The following RELN variants were observed in gnomAD, a reference collection of about 807,000 sequenced individuals.
RELN encodes reelin.
RELN carries 108 observed loss-of-function variants against 427.6 expected under a neutral mutation model. That is an observed-to-expected ratio of 0.25 (90% CI 0.22 to 0.30). The LOEUF (loss-of-function observed/expected upper bound fraction) is 0.30. Among genes scored for constraint, RELN ranks in the 10% least tolerant of loss-of-function variants. The pLI is 1.00. For synonymous variants in RELN, 1,524 were observed against 1,513.4 expected (o/e 1.01, Z -0.16); for missense variants, 3,715 against 4,302.8 (o/e 0.86, Z 3.82).
chr7:103,754,400 A>G (rs1217757487), intron 4 of RELN, among the ~76,000 whole-genome samples: 1 of 151,902 alleles, frequency 6.6e-6, no homozygotes, highest in African/African-American at 2.4e-5. Flanking sequence ...TTTGTACTGT[A>G]TATCAATTAG....
In RELN at chr7:103,497,901, C is replaced by A; in HGVS notation, c.8869G>T (p.Gly2957Cys). Residue 2957 changes from glycine (G) to cysteine (C), a missense_variant, in exon 55 of 65, where the codon GGT becomes TGT. Gly to Cys is a radical substitution (Grantham distance 159, BLOSUM62 -3). Coordinates refer to ENST00000428762, the MANE Select transcript of RELN (RefSeq NM_005045.4). ...AKFLQYWGRI[G>C]SENNMTSCHR... ...CAAGAGGTCATGTTGTTCTCACTAC[C>A]GATGCGCCCCCAGTATTGCAGGAAC... 6.2e-7 allele frequency: 1 copy of A among 1,614,112 alleles called. No homozygotes were observed. The highest frequency in any genetic ancestry group is 8.5e-7 in the Non-Finnish European group (1 of 1,180,012).
chr7:103,488,275 G>A (rs1367242789), intron 60 of RELN, among the ~76,000 whole-genome samples: 1 of 152,210 alleles, frequency 6.6e-6, no homozygotes, highest in Non-Finnish European at 1.5e-5. Context: ...TAGCAAACGT[G>A]TATGTGCTTG....
intron 1 of RELN, among the ~76,000 whole-genome samples, chr7:103,973,700 C>A (rs1170577742): frequency 6.6e-6 from 1 of 151,912 alleles, no homozygotes; most frequent in Non-Finnish European, 1.5e-5. Flanking sequence ...TGTTGTGGAG[C>A]CATGAAAATG....
intron 24 of RELN, 145 bp from the exon 25 acceptor site, chr7:103,596,806 C>T: frequency 1.3e-6 from 1 of 749,750 alleles, no homozygotes. Flanking sequence ...GCAGTCATGC[C>T]ATTTAGTTGT....
At chr7:103,955,335 T>C (rs1469603283) in intron 1 of RELN, among the ~76,000 whole-genome samples, 1 of 152,202 alleles carries the variant, frequency 6.6e-6, no homozygotes, top group African/African-American at 2.4e-5. Context: ...TTAATATATT[T>C]CCATGAACAG....
At chr7:103,938,989 C>G (rs1796049859) in intron 1 of RELN, among the ~76,000 whole-genome samples, 2 of 150,984 alleles carry the variant, frequency 1.3e-5, no homozygotes, top group South Asian at 4.2e-4. Flanking sequence ...GTTGCCCAGG[C>G]TGTATGTAGT....
intron 30 of RELN, among the ~76,000 whole-genome samples, chr7:103,572,597 C>T (rs1056417950): frequency 1.3e-5 from 2 of 151,604 alleles, no homozygotes; most frequent in African/African-American, 2.4e-5. Flanking sequence ...AATGCAGTGG[C>T]GTGATCTCGA....
intron 64 of RELN, among the ~76,000 whole-genome samples, chr7:103,476,979 T>C (rs1415373083): frequency 6.6e-6 from 1 of 152,208 alleles, no homozygotes; most frequent in Non-Finnish European, 1.5e-5. Flanking sequence ...CCAAGGCACA[T>C]CAGCTATGCC....
At position 103,713,210 on chromosome 7, in the gene RELN, G is replaced by A. The variant is rs552948049; in HGVS notation, c.805+9930C>T. Among the ~76,000 whole-genome samples the A allele has an allele frequency of 5.3e-5, 8 of 152,216 alleles. No homozygotes were observed. The South Asian group carries it at 1.5e-3, about 28-fold the overall frequency. On this transcript the variant is annotated intron_variant, in intron 8 of 64. Transcript: ENST00000428762. Reference sequence around the variant, plus strand: ...GAACCTTATTGAGGATTCCTGCAGCGCGAGTGCTGCCACTGCCATTACTCA... The same window carrying A: ...GAACCTTATTGAGGATTCCTGCAGCACGAGTGCTGCCACTGCCATTACTCA...
At chr7:103,675,769 G>C (rs536893453) in intron 11 of RELN, among the ~76,000 whole-genome samples, 331 of 152,258 alleles carry the variant, frequency 2.2e-3, no homozygotes, top group African/African-American at 7.5e-3. Flanking sequence ...ACAAACCTGA[G>C]AAAAACAAGA....
At position 103,551,285 on chromosome 7, in the gene RELN, G is replaced by A. The variant is rs114019779; in HGVS notation, c.6084C>T (p.Gly2028=). 5.6e-3 allele frequency: 8,986 copies of A among 1,613,178 alleles called. 42 individuals carry two copies. Among genetic ancestry groups the A allele is most frequent in the Non-Finnish European group, 6.6e-3 (7,735 of 1,179,662 alleles). The part of the protein sequence containing the change: ...NTIIQFEINV[G]CSTDSSSADP... ...CCGCGGATGAGCTATCAGTCGAACA[G>A]CCAACGTTGATCTTGGGGATGAAGA... Residue 2028 remains glycine (G), a synonymous_variant, in exon 41 of 65, where the codon GGC becomes GGT. Transcript: ENST00000428762.
intron 2 of RELN, among the ~76,000 whole-genome samples, chr7:103,908,956 C>T (rs1322801843): frequency 1.3e-5 from 2 of 152,126 alleles, no homozygotes; most frequent in African/African-American, 2.4e-5. Flanking sequence ...AAACATCATG[C>T]CTTTGAATTC....
chr7:103,583,828 G>A (rs1446576594), intron 28 of RELN, among the ~76,000 whole-genome samples: 4 of 152,122 alleles, frequency 2.6e-5, no homozygotes, highest in Non-Finnish European at 4.4e-5. Flanking sequence ...GCTGCAATCC[G>A]AGCTGTGGGA....
rs536774831 is a variant in RELN at position 103,499,580 on chromosome 7, A to G, written c.8667+1165T>C. On this transcript the variant is annotated intron_variant, in intron 53 of 64. Coordinates refer to ENST00000428762, the MANE Select transcript of RELN (RefSeq NM_005045.4). ...TTACTGTGTAGTTAAAATGATTTAA[A>G]CAGTTTCTTTTTCTCAAACTTAGAA... 1.6e-4 allele frequency among the ~76,000 whole-genome samples: 24 copies of G among 152,090 alleles called. No individual in the cohort carries two copies. In the South Asian group the frequency reaches 4.8e-3, roughly 30 times the overall value.
chr7:103,703,571 C>T (rs1464891371), intron 8 of RELN, among the ~76,000 whole-genome samples: 4 of 152,154 alleles, frequency 2.6e-5, no homozygotes, highest in African/African-American at 9.7e-5. Context: ...GTAGGCACCA[C>T]CTGTAACAGG....
At chr7:103,872,153 G>A (rs1257839461) in intron 2 of RELN, among the ~76,000 whole-genome samples, 7 of 135,790 alleles carry the variant, frequency 5.2e-5, no homozygotes, top group East Asian at 4.7e-4. Context: ...ATGCTGGTGC[G>A]CTGCACCCAC....
At chr7:103,494,393 G>GTGTGTGTGTGTGTGTGTGTGT (rs60783765) in intron 57 of RELN, among the ~76,000 whole-genome samples, 19 of 150,978 alleles carry the variant, frequency 1.3e-4, no homozygotes, top group South Asian at 6.3e-4. Context: ...GTGTGTGTGT[G>GTGTGTGTGTGTGTGTGTGTGT]GGATATGGTC....
rs766384576 is a variant in RELN, at chr7:103,561,864, C to T, written c.5300G>A (p.Gly1767Glu). 1.5e-5 allele frequency: 25 copies of T among 1,613,434 alleles called. No individual in the cohort carries two copies. Among genetic ancestry groups the T allele is most frequent in the Admixed American group, 1.3e-4 (8 of 59,898 alleles). Residue 1767 changes from glycine to glutamate, a missense_variant, in exon 35 of 65, where the codon GGG (glycine) becomes GAG (glutamate). Physicochemically the swap from Gly to Glu is moderately conservative, Grantham distance 98. Around this residue, in one of 4 missense-constraint regions of RELN, gnomAD observed 2,208 missense variants for 2,361.7 expected, o/e 0.93. Transcript: ENST00000428762. ...TCGTCCTGAGCACATCCAAGGGCAC[C>T]CTGAGGCCAGTACAACATTATCAAT... is the stretch of plus-strand genomic sequence containing the variant. ...WAIDNVVLAS[G>E]CPWMCSGRGI...
intron 2 of RELN, among the ~76,000 whole-genome samples, chr7:103,909,292 T>C (rs1168105096): frequency 2.0e-5 from 3 of 151,978 alleles, no homozygotes; most frequent in African/African-American, 4.8e-5. Context: ...TTAGTCTTAA[T>C]GTGAAGGATA....
Sources: allele counts gnomAD v4.1 joint callset (sites outside exome capture counted in the v4.1 genomes callset), GRCh38; gene constraint gnomAD v4.1.1; regional missense constraint gnomAD v4.1.1; transcripts MANE v1.5; gene names NCBI Gene and HGNC (gene_info 2026-07-23, HGNC 2026-07-21).